Variants in SLC35F4 observed in about 807,000 individuals in gnomAD.
SLC35F4 encodes solute carrier family 35 member F4, also known as chromosome 14 open reading frame 36.
A neutral mutation model predicts 44.2 loss-of-function variants in SLC35F4; 24 were observed. The ratio of observed to expected loss-of-function variants is 0.54; its 90% CI spans 0.39 to 0.76. SLC35F4 has a LOEUF of 0.76. Among genes scored for constraint, SLC35F4 ranks in the 30% least tolerant of loss-of-function variants. The pLI, the probability that SLC35F4 is intolerant of heterozygous loss-of-function variation, is 0.00. For synonymous variants in SLC35F4, 238 were observed against 223.6 expected (o/e 1.06, Z -0.57); for missense variants, 562 against 586.1 (o/e 0.96, Z 0.42).
At chr14:57,653,399 G>C (rs550287033) in intron 1 of SLC35F4, among the ~76,000 whole-genome samples, 1 of 152,272 alleles carries the variant, frequency 6.6e-6, no homozygotes, top group African/African-American at 2.4e-5. Context: ...TGCTAAAGAA[G>C]CAAGTGCCTG....
In SLC35F4 at chr14:57,741,433, C is replaced by T. The variant is rs142277111; in HGVS notation, c.103+124290G>A. 7.1e-3 allele frequency among the ~76,000 whole-genome samples: 1,085 copies of T among 152,222 alleles called. 6 individuals are homozygous for T. Among genetic ancestry groups the T allele is most frequent in the Non-Finnish European group, 0.013 (882 of 68,018 alleles). On this transcript the variant is annotated intron_variant, in intron 1 of 7. Transcript: ENST00000556826. ...GCTGAAAACCATGGCACGAGAACTACGTGACACATGCACAAGCTTCAATAG... is the reference window on the plus strand; with the variant it reads ...GCTGAAAACCATGGCACGAGAACTATGTGACACATGCACAAGCTTCAATAG...
intron 1 of SLC35F4, among the ~76,000 whole-genome samples, chr14:57,619,211 T>C (rs2072037942): frequency 6.6e-6 from 1 of 152,124 alleles, no homozygotes; most frequent in Non-Finnish European, 1.5e-5. Context: ...GACTCCCTCC[T>C]CAAGTGAGTC....
At chr14:57,740,519 C>T (rs1038965113) in intron 1 of SLC35F4, among the ~76,000 whole-genome samples, 6 of 152,014 alleles carry the variant, frequency 3.9e-5, no homozygotes, top group Non-Finnish European at 7.4e-5. Context: ...GAAGGATAAA[C>T]AGAAGTTAAT....
intron 1 of SLC35F4, among the ~76,000 whole-genome samples, chr14:57,675,875 T>C (rs543429824): frequency 6.6e-6 from 1 of 152,188 alleles, no homozygotes; most frequent in East Asian, 1.9e-4. Context: ...TTCTAGAAGA[T>C]AGCATCAGAA....
intron 1 of SLC35F4, among the ~76,000 whole-genome samples, chr14:57,877,147 T>C (rs1030182496): frequency 7.2e-5 from 11 of 152,288 alleles, no homozygotes; most frequent in African/African-American, 2.6e-4. Context: ...TTTTCAATCC[T>C]TTCCCTCCTC....
intron 4 of SLC35F4, among the ~76,000 whole-genome samples, chr14:57,575,801 T>G (rs73303818): frequency 0.057 from 8,666 of 152,240 alleles, 739 homozygotes; most frequent in African/African-American, 0.18. Flanking sequence ...GGGATCCGTG[T>G]GGCCATTTGA....
At chr14:57,608,786 CCG>C (rs1491013113) in intron 1 of SLC35F4, among the ~76,000 whole-genome samples, 246 of 14,670 alleles carry the variant, frequency 0.017, 16 homozygotes, top group Middle Eastern at 0.1. Context: ...CAAAAGATGG[CCG>C]GGGGGGGGCG....
chr14:57,722,080 T>C (rs940799245), intron 1 of SLC35F4, among the ~76,000 whole-genome samples: 2 of 152,158 alleles, frequency 1.3e-5, no homozygotes, highest in Non-Finnish European at 2.9e-5. Flanking sequence ...AGTTTTCTAA[T>C]TTATATATGC....
chr14:57,832,238 T>G (rs1328776113), intron 1 of SLC35F4, among the ~76,000 whole-genome samples: 2 of 148,726 alleles, frequency 1.3e-5, no homozygotes, highest in African/African-American at 2.4e-5. Context: ...ACCTCTGCCT[T>G]CCGCAGACTC....
chr14:57,700,967 CT>C (rs1335595702), intron 1 of SLC35F4, among the ~76,000 whole-genome samples: 4 of 152,032 alleles, frequency 2.6e-5, no homozygotes, highest in East Asian at 1.9e-4. Context: ...TTATTCCATA[CT>C]TTTTTTCTAG....
At chr14:57,889,505 CA>C (rs1888717141) in intron 1 of SLC35F4, among the ~76,000 whole-genome samples, 1 of 152,174 alleles carries the variant, frequency 6.6e-6, no homozygotes, top group Non-Finnish European at 1.5e-5. Flanking sequence ...CAAGGAGGCC[CA>C]GGGGCAGAAC....
intron 1 of SLC35F4, among the ~76,000 whole-genome samples, chr14:57,902,126 A>G (rs962743065): frequency 6.6e-6 from 1 of 152,196 alleles, no homozygotes; most frequent in Non-Finnish European, 1.5e-5. Context: ...AGACATTCAA[A>G]TCAAAACATG....
chr14:57,718,168 G>C (rs1370782674), intron 1 of SLC35F4, among the ~76,000 whole-genome samples: 1 of 152,146 alleles, frequency 6.6e-6, no homozygotes, highest in African/African-American at 2.4e-5. Context: ...TGTTGCAAAT[G>C]GTAGTCTCAT....
chr14:57,797,147 C>T (rs533143182), intron 1 of SLC35F4, among the ~76,000 whole-genome samples: 11 of 152,318 alleles, frequency 7.2e-5, no homozygotes, highest in East Asian at 5.8e-4. Context: ...AAGGCACCCT[C>T]AGTAACCTTG....
chr14:57,708,662 G>C (rs2075738844), intron 1 of SLC35F4, among the ~76,000 whole-genome samples: 1 of 152,146 alleles, frequency 6.6e-6, no homozygotes, highest in South Asian at 2.1e-4. Flanking sequence ...GGAGACGAGA[G>C]ATTGTAGAAA....
At chr14:57,896,491 A>T (rs1888872750) in intron 1 of SLC35F4, among the ~76,000 whole-genome samples, 2 of 152,200 alleles carry the variant, frequency 1.3e-5, no homozygotes. Flanking sequence ...TGCTAGAAAC[A>T]TTCCCTTCTT....
Position 57,656,376 on chromosome 14 carries a change from T to TACACAC in SLC35F4, c.104-62258_104-62253dup, listed in dbSNP as rs3054456. On this transcript the variant is annotated intron_variant, in intron 1 of 7. Coordinates refer to ENST00000556826, the MANE Select transcript of SLC35F4 (RefSeq NM_001306087.2). ...TCCTTAGAGTATATATATATATATATACACACACACACACACACACACACA... is the reference window on the plus strand; with the variant it reads ...TCCTTAGAGTATATATATATATATATACACACACACACACACACACACACACACACA... Among the ~76,000 whole-genome samples, 5 of 74,054 alleles carry TACACAC rather than the reference T, an allele frequency of 6.8e-5. No homozygotes were observed. The East Asian group carries it at 9.2e-4, about 14-fold the overall frequency. The allele number at this position is 74,054 out of a possible 152,430, so 48.6% of individuals were successfully genotyped here. A position where few individuals can be genotyped will look rare whatever the true frequency, so the allele number is the denominator to read the frequency against.
At chr14:57,696,842 C>T (rs1213424951) in intron 1 of SLC35F4, among the ~76,000 whole-genome samples, 6 of 152,210 alleles carry the variant, frequency 3.9e-5, no homozygotes, top group African/African-American at 1.4e-4. Flanking sequence ...ACTGCATGTT[C>T]TCACTCATAA....
Position 57,739,421 on chromosome 14 carries a change from C to G in SLC35F4, c.103+126302G>C, listed in dbSNP as rs150734954. Among the ~76,000 whole-genome samples the G allele has an allele frequency of 6.5e-3, 997 of 152,308 alleles. 13 individuals carry two copies. The highest frequency in any genetic ancestry group is 0.023 in the African/African-American group (941 of 41,564). On this transcript the variant is annotated intron_variant, in intron 1 of 7. Transcript: ENST00000556826. ...ATGATAAGAGTAAAAAAACACAGAA[C>G]TGGTTTGGGGAATTACTTGTTCTTA...
Sources: gnomAD v4.1 joint callset for allele counts (sites outside exome capture counted in the v4.1 genomes callset) on GRCh38, gnomAD v4.1.1 for gene constraint, MANE v1.5 for transcripts, NCBI Gene and HGNC (gene_info 2026-07-23, HGNC 2026-07-21) for gene names.